OR2A7: variants seen among roughly 807,000 people sequenced by gnomAD.
OR2A7 encodes olfactory receptor family 2 subfamily A member 7.
For synonymous variants in OR2A7, 10 were observed against 147.1 expected (o/e 0.07, Z 6.74); for missense variants, 35 against 359.2 (o/e 0.10, Z 7.30).
intron 1 of OR2A7, 184 bp from the exon 2 acceptor site, chr7:144,259,816 A>G (rs565992363): frequency 1.1e-4 from 44 of 410,116 alleles, no homozygotes; most frequent in African/African-American, 9.8e-4. Flanking sequence ...ATGTTTAAAA[A>G]ATATATGCAG....
At position 144,258,855 on chromosome 7, in the gene OR2A7, A is replaced by C. The variant is rs774888670; in HGVS notation, c.774T>G (p.Tyr258Ter). Residue 258 changes from tyrosine to a stop codon, truncating the protein, a stop_gained, in exon 2 of 2, where the codon TAT (tyrosine) becomes TAG (stop). Coordinates refer to ENST00000641841, the MANE Select transcript of OR2A7 (RefSeq NM_001005328.2). LOFTEE classifies it low-confidence loss of function (END_TRUNC). The stretch of plus-strand genomic sequence containing the variant: ...TGGGGTTCCCATATCTGGGTCCAAC[A>C]TACATGATAATGGCTGTGCCATAAA... ...GLFYGTAIIM[Y>*]VGPRYGNPKE... 6.2e-7 allele frequency: 1 copy of C among 1,613,678 alleles called. No individual in the cohort carries two copies. The highest frequency in any genetic ancestry group is 1.1e-5 in the South Asian group (1 of 91,054).
Position 144,259,556 on chromosome 7 carries a change from G to C in OR2A7, c.73C>G (p.Leu25Val), listed in dbSNP as rs772391699. ...AACAGGGAGAAGAGCCCAAAGAGGA[G>C]CATCTGAATCCTTGGGCCAACGGGA... ...GFPVGPRIQM[L>V]LFGLFSLFYV... The change falls in exon 2 of 2, where the codon CTC becomes GTC. Residue 25 changes from leucine (L) to valine (V), a missense_variant. Physicochemically the swap from Leu to Val is conservative, Grantham distance 32. Coordinates refer to ENST00000641841, the MANE Select transcript of OR2A7 (RefSeq NM_001005328.2). The C allele has an allele frequency of 7.4e-6, 12 of 1,612,068 alleles. 1 individual carries two copies. In the South Asian group the frequency reaches 1.3e-4, roughly 18 times the overall value.
At chr7:144,263,868 TTTC>T (rs1328743602) in intron 1 of OR2A7, among the ~76,000 whole-genome samples, 1 of 128,986 alleles carries the variant, frequency 7.8e-6, no homozygotes, top group Non-Finnish European at 1.7e-5. Flanking sequence ...CTTTAATTAT[TTTC>T]TTGTCTTATT....
At chr7:144,260,376 C>G (rs1378785660) in intron 1 of OR2A7, among the ~76,000 whole-genome samples, 2 of 151,120 alleles carry the variant, frequency 1.3e-5, no homozygotes, top group African/African-American at 4.9e-5. Flanking sequence ...TTTCCTTGGT[C>G]GTATTATTCA....
intron 1 of OR2A7, among the ~76,000 whole-genome samples, chr7:144,261,771 A>G (rs1325090763): frequency 6.6e-6 from 1 of 151,856 alleles, no homozygotes; most frequent in Non-Finnish European, 1.5e-5. Flanking sequence ...TTTGCATGAT[A>G]TTAAAGTGTG....
chr7:144,258,887 C>G lies in OR2A7; in HGVS notation c.742G>C (p.Gly248Arg), dbSNP rs746057809. The change falls in exon 2 of 2, where the codon GGA becomes CGA. Residue 248 changes from glycine to arginine, a missense_variant. Physicochemically the swap from Gly to Arg is moderately radical, Grantham distance 125. Transcript: ENST00000641841. ...CTCFSHLCVI[G>R]LFYGTAIIMY... The stretch of plus-strand genomic sequence containing the variant: ...ATAATGGCTGTGCCATAAAAGAGTC[C>G]AATCACACAGAGGTGGGAGAAGCAG... 6.2e-7 allele frequency: 1 copy of G among 1,613,608 alleles called. No individual in the cohort carries two copies. The highest frequency in any genetic ancestry group is 1.3e-5 in the African/African-American group (1 of 74,912).
chr7:144,260,755 A>T (rs1488827433), intron 1 of OR2A7, among the ~76,000 whole-genome samples: 2 of 151,776 alleles, frequency 1.3e-5, no homozygotes, highest in Non-Finnish European at 2.9e-5. Context: ...AAACAGGATC[A>T]GTAACTTTTG....
rs1484625359 is a variant in OR2A7 at position 144,258,918 on chromosome 7, G to GA, written c.710dup (p.Cys238LeufsTer44). 1 of 1,611,110 alleles carries GA rather than the reference G, an allele frequency of 6.2e-7. No individual in the cohort carries two copies. Among genetic ancestry groups the GA allele is most frequent in the Non-Finnish European group, 8.5e-7 (1 of 1,179,910 alleles). ...CACAGAGGTGGGAGAAGCAGGTGCA[G>GA]AAGGCTTTCCTCTGAACTTCCCTTG... On this transcript the variant is annotated frameshift_variant, in exon 2 of 2. Transcript: ENST00000641841. LOFTEE classifies it low-confidence loss of function (END_TRUNC).
At chr7:144,260,137 GA>G (rs1168373585) in intron 1 of OR2A7, among the ~76,000 whole-genome samples, 2 of 126,478 alleles carry the variant, frequency 1.6e-5, no homozygotes, top group Non-Finnish European at 1.7e-5. Context: ...AAAAGAAAAG[GA>G]AAAAAAACGC....
At position 144,259,260 on chromosome 7, in the gene OR2A7, C is replaced by G; in HGVS notation, c.369G>C (p.Val123=). 1.1e-6 allele frequency: 1 copy of G among 880,498 alleles called. No homozygotes were observed. The highest frequency in any genetic ancestry group is 1.7e-6 in the Non-Finnish European group (1 of 590,492). 54.5% of individuals were successfully genotyped at this position (880,498 alleles called of 1,614,324 possible). Reference sequence around the variant, plus strand: ...AATATCGGAGGGGGTGGCAGATGGCCACGTACAGATCATAGGACATCACCA... The same window carrying G: ...AATATCGGAGGGGGTGGCAGATGGCGACGTACAGATCATAGGACATCACCA... ...LLVVMSYDLY[V]AICHPLRYLA... The change falls in exon 2 of 2, where the codon GTG becomes GTC. Residue 123 remains valine, a synonymous_variant. Coordinates refer to ENST00000641841, the MANE Select transcript of OR2A7 (RefSeq NM_001005328.2).
In OR2A7 at chr7:144,264,706, A is replaced by C. The variant is rs1272688551; in HGVS notation, c.-10T>G. On this transcript the variant is annotated 5_prime_UTR_variant, in exon 1 of 2. Coordinates refer to ENST00000641841, the MANE Select transcript of OR2A7 (RefSeq NM_001005328.2). ...AGCCTCATGCATGCTCTTACCCGTGAAGTCCTTTCTGGATGTTCACACAAT... is the reference window on the plus strand; with the variant it reads ...AGCCTCATGCATGCTCTTACCCGTGCAGTCCTTTCTGGATGTTCACACAAT... 5.9e-5 allele frequency: 9 copies of C among 151,788 alleles called. No individual in the cohort carries two copies. The highest frequency in any genetic ancestry group is 2.2e-4 in the African/African-American group (9 of 41,464). 9.4% of individuals were successfully genotyped at this position (151,788 alleles called of 1,614,324 possible).
intron 1 of OR2A7, among the ~76,000 whole-genome samples, chr7:144,261,466 T>A (rs2052646241): frequency 6.6e-6 from 1 of 151,414 alleles, no homozygotes; most frequent in South Asian, 2.1e-4. Flanking sequence ...AGAGACCTCA[T>A]CTCTTTTAAA....
At chr7:144,264,137 A>G (rs1197481067) in intron 1 of OR2A7, among the ~76,000 whole-genome samples, 3 of 151,788 alleles carry the variant, frequency 2.0e-5, no homozygotes, top group Non-Finnish European at 4.4e-5. Context: ...ACAATGCATT[A>G]CTTACATGTT....
At chr7:144,260,304 T>C (rs2052628248) in intron 1 of OR2A7, among the ~76,000 whole-genome samples, 1 of 149,652 alleles carries the variant, frequency 6.7e-6, no homozygotes, top group Non-Finnish European at 1.5e-5. Context: ...CACATGTCAA[T>C]GTAGTACACA....
chr7:144,257,935 T>C lies in OR2A7; in HGVS notation c.*761A>G. The C allele has an allele frequency of 7.6e-6, 1 of 132,342 alleles. No individual in the cohort carries two copies. The highest frequency in any genetic ancestry group is 2.5e-4 in the South Asian group (1 of 3,974). 8.2% of individuals were successfully genotyped at this position (132,342 alleles called of 1,614,324 possible). A position where few individuals can be genotyped will look rare whatever the true frequency, so the allele number is the denominator to read the frequency against. ...GCCGATCCATGATGAAGGACAGGAT[T>C]GCATTTATTTTCTTTAGATGATCTA... On this transcript the variant is annotated 3_prime_UTR_variant, in exon 2 of 2. Coordinates refer to ENST00000641841, the MANE Select transcript of OR2A7 (RefSeq NM_001005328.2).
At chr7:144,260,656 T>A (rs1176658275) in intron 1 of OR2A7, among the ~76,000 whole-genome samples, 1 of 151,950 alleles carries the variant, frequency 6.6e-6, no homozygotes, top group African/African-American at 2.4e-5. Flanking sequence ...CAGAACCTTA[T>A]TTTTTGTTAT....
chr7:144,264,260 T>C (rs935892087), intron 1 of OR2A7, among the ~76,000 whole-genome samples: 1 of 151,840 alleles, frequency 6.6e-6, no homozygotes, highest in African/African-American at 2.4e-5. Flanking sequence ...TGTCATTATT[T>C]TATTTTATTT....
intron 1 of OR2A7, among the ~76,000 whole-genome samples, 158 bp downstream of exon 1, chr7:144,264,543 G>A (rs1441462314): frequency 3.3e-5 from 5 of 152,012 alleles, no homozygotes; most frequent in Admixed American, 2.6e-4. Context: ...TTACAGGTGT[G>A]AGCCACTGTG....
intron 1 of OR2A7, among the ~76,000 whole-genome samples, chr7:144,260,092 G>A: frequency 1.0e-5 from 1 of 95,498 alleles, no homozygotes; most frequent in South Asian, 4.5e-4. Flanking sequence ...CTGGGTGACA[G>A]AGCCAGACTC....
Sources: allele counts gnomAD v4.1 joint callset (sites outside exome capture counted in the v4.1 genomes callset), GRCh38; gene constraint gnomAD v4.1.1; transcripts MANE v1.5; gene names NCBI Gene and HGNC (gene_info 2026-07-23, HGNC 2026-07-21).